The following SOS1 variants were observed in gnomAD, a reference collection of about 807,000 sequenced individuals.
SOS1 encodes the protein SOS Ras/Rac guanine nucleotide exchange factor 1.
SOS1 carries 25 observed loss-of-function variants against 157.6 expected under a neutral mutation model. The ratio of observed to expected loss-of-function variants is 0.16; its 90% CI spans 0.12 to 0.22. The LOEUF is 0.22. Ranked by LOEUF, SOS1 falls within the 10% of genes least tolerant of loss-of-function variation. SOS1 has a pLI of 1.00. For missense variants in SOS1, 1,237 were observed against 1,599.1 expected (o/e 0.77, Z 3.86); for synonymous variants, 528 against 534.0 (o/e 0.99, Z 0.16).
chr2:39,100,642 G>A (rs866222939), intron 1 of SOS1, among the ~76,000 whole-genome samples: 21 of 152,290 alleles, frequency 1.4e-4, no homozygotes, highest in Admixed American at 7.2e-4. Context: ...CAGGCCAGGC[G>A]TGGTGACTCA....
intron 1 of SOS1, among the ~76,000 whole-genome samples, chr2:39,071,848 G>A (rs199702800): frequency 1.7e-3 from 256 of 150,344 alleles, no homozygotes; most frequent in African/African-American, 4.8e-3. Flanking sequence ...ATGCAGTTTC[G>A]CTCACACTGT....
chr2:38,989,748 A>G (rs1035821972), intron 20 of SOS1, among the ~76,000 whole-genome samples: 1 of 152,096 alleles, frequency 6.6e-6, no homozygotes, highest in Non-Finnish European at 1.5e-5. Flanking sequence ...GTCTTTCAAA[A>G]ATGTTCTTGG....
rs541269112 is a variant in SOS1 at position 39,065,177 on chromosome 2, G to T, written c.213+2451C>A. 2.6e-5 allele frequency among the ~76,000 whole-genome samples: 4 copies of T among 152,150 alleles called. No homozygotes were observed. In the East Asian group the frequency reaches 7.7e-4, roughly 29 times the overall value. On this transcript the variant is annotated intron_variant, in intron 2 of 22. Coordinates refer to ENST00000402219, the MANE Select transcript of SOS1 (RefSeq NM_005633.4). ...CCTTATTATTTTAATAGAAAGCTTTGTAAGTGTATTAAAGAAATACCGAAT... is the reference window on the plus strand; with the variant it reads ...CCTTATTATTTTAATAGAAAGCTTTTTAAGTGTATTAAAGAAATACCGAAT...
intron 14 of SOS1, among the ~76,000 whole-genome samples, chr2:39,011,787 C>T (rs1344257147): frequency 6.6e-6 from 1 of 152,134 alleles, no homozygotes. Flanking sequence ...GGAGTAGGTA[C>T]TATCAGTAGC....
intron 8 of SOS1, among the ~76,000 whole-genome samples, chr2:39,026,325 A>T (rs1669960032): frequency 6.7e-6 from 1 of 149,514 alleles, no homozygotes; most frequent in Admixed American, 6.7e-5. Context: ...ACTGCACTCC[A>T]GCCTGGGCAA....
At chr2:38,995,482 G>C in intron 19 of SOS1, 95 bp from the exon 20 acceptor site, 2 of 922,344 alleles carry the variant, frequency 2.2e-6, no homozygotes, top group Non-Finnish European at 3.5e-6. Flanking sequence ...CTAATATACA[G>C]GAAAATCATA....
intron 1 of SOS1, among the ~76,000 whole-genome samples, chr2:39,079,863 G>C (rs1451222928): frequency 6.6e-6 from 1 of 151,966 alleles, no homozygotes; most frequent in East Asian, 1.9e-4. Flanking sequence ...TAAACCAGCA[G>C]TCTCCAACCT....
chr2:39,069,715 T>C (rs1422314292), intron 1 of SOS1, among the ~76,000 whole-genome samples: 1 of 151,876 alleles, frequency 6.6e-6, no homozygotes, highest in East Asian at 1.9e-4. Context: ...ACCCGGCCAA[T>C]TTCTGTATTT....
chr2:39,097,911 T>C (rs2148199570), intron 1 of SOS1, among the ~76,000 whole-genome samples: 1 of 152,352 alleles, frequency 6.6e-6, no homozygotes, highest in Admixed American at 6.5e-5. Context: ...TGCTGAACAT[T>C]ATTATTTCTT....
At chr2:39,115,403 T>C (rs1362571707) in intron 1 of SOS1, among the ~76,000 whole-genome samples, 3 of 109,350 alleles carry the variant, frequency 2.7e-5, no homozygotes, top group Non-Finnish European at 6.1e-5. Context: ...ATTTGTTCTC[T>C]CTCTTTTTTT....
At chr2:39,038,542 T>G (rs1670437395) in intron 6 of SOS1, among the ~76,000 whole-genome samples, 1 of 151,686 alleles carries the variant, frequency 6.6e-6, no homozygotes. Context: ...GAGACCATCC[T>G]GGCCAACATG....
At chr2:39,030,307 T>A (rs1043351012) in intron 8 of SOS1, among the ~76,000 whole-genome samples, 10 of 150,322 alleles carry the variant, frequency 6.7e-5, no homozygotes, top group African/African-American at 2.4e-4. Flanking sequence ...CTCATGCCAT[T>A]AACCCCAGCA....
intron 10 of SOS1, among the ~76,000 whole-genome samples, chr2:39,016,309 T>G (rs1200163489): frequency 6.6e-6 from 1 of 152,124 alleles, no homozygotes; most frequent in Non-Finnish European, 1.5e-5. Context: ...CTTTATACCT[T>G]CTGAGGCTAG....
At chr2:38,986,647 T>A (rs544229398) in intron 22 of SOS1, among the ~76,000 whole-genome samples, 1 of 152,118 alleles carries the variant, frequency 6.6e-6, no homozygotes, top group Non-Finnish European at 1.5e-5. Context: ...TTTCATTTTT[T>A]GTAGAGTCAA....
At chr2:38,997,757 T>G (rs183527155) in intron 17 of SOS1, among the ~76,000 whole-genome samples, 6 of 152,214 alleles carry the variant, frequency 3.9e-5, no homozygotes, top group Admixed American at 3.9e-4. Flanking sequence ...ATTAATAGAT[T>G]TGTTAGGAAG....
intron 1 of SOS1, among the ~76,000 whole-genome samples, chr2:39,116,524 T>C (rs1319683138): frequency 1.3e-5 from 2 of 152,366 alleles, no homozygotes; most frequent in East Asian, 3.9e-4. Context: ...CCATTTTCCA[T>C]TCTATGGCCA....
Position 38,995,367 on chromosome 2 carries a change from G to T in SOS1, c.3102C>A (p.Pro1034=), listed in dbSNP as rs1572804715. The change falls in exon 20 of 23, where the codon CCC becomes CCA. Residue 1034 remains proline (P), a synonymous_variant. Coordinates refer to ENST00000402219, the MANE Select transcript of SOS1 (RefSeq NM_005633.4). ...ATGGACGAACACCAGGAGATTTTAG[G>T]GGATAGCTATATTTTTTTGGCTGTA... ...LPRFPKKYSY[P]LKSPGVRPSN... 2.5e-6 allele frequency: 4 copies of T among 1,613,356 alleles called. No homozygotes were observed. Among genetic ancestry groups the T allele is most frequent in the Non-Finnish European group, 2.5e-6 (3 of 1,179,512 alleles).
At chr2:39,032,562 G>C (rs1032909591) in intron 8 of SOS1, among the ~76,000 whole-genome samples, 6 of 152,166 alleles carry the variant, frequency 3.9e-5, no homozygotes, top group African/African-American at 1.2e-4. Flanking sequence ...ATAGGTATGA[G>C]AATTCAAAGA....
intron 1 of SOS1, among the ~76,000 whole-genome samples, chr2:39,111,926 T>TGCCATGTTG (rs1021223980): frequency 6.6e-6 from 1 of 152,012 alleles, no homozygotes; most frequent in African/African-American, 2.4e-5. Context: ...AGTGAGGTTT[T>TGCCATGTTG]GCCATGTTGG....
Sources: allele counts gnomAD v4.1 joint callset (sites outside exome capture counted in the v4.1 genomes callset), GRCh38; gene constraint gnomAD v4.1.1; transcripts MANE v1.5; gene names NCBI Gene and HGNC (gene_info 2026-07-23, HGNC 2026-07-21).